The following NT5M variants were observed in gnomAD, a reference collection of about 807,000 sequenced individuals.
The protein encoded by NT5M is 5',3'-nucleotidase, mitochondrial.
NT5M carries 22 observed loss-of-function variants against 22.2 expected under a neutral mutation model. That is an observed-to-expected ratio of 0.99 (90% CI 0.71 to 1.41). The LOEUF (loss-of-function observed/expected upper bound fraction) is 1.41. Among genes scored for constraint, NT5M ranks in the 40% most tolerant of loss-of-function variants. NT5M has a pLI of 0.00. For missense variants in NT5M, 322 were observed against 314.8 expected, an observed-to-expected ratio of 1.02 and a Z score of -0.17; for synonymous variants, 167 against 133.0, an observed-to-expected ratio of 1.26 and a Z score of -1.76.
At chr17:17,319,732 GGACAGCTGGGAGA>G (rs59316755) in intron 2 of NT5M, among the ~76,000 whole-genome samples, 93,527 of 151,974 alleles carry the variant, frequency 0.62, 30,186 homozygotes, top group East Asian at 0.79. Context: ...GGGACGGGAG[GGACAGCTGGGAGA>G]GATAACAAAG....
intron 3 of NT5M, 92 bp downstream of exon 3, chr17:17,323,337 C>G: frequency 9.9e-7 from 1 of 1,013,218 alleles, no homozygotes. Flanking sequence ...GGGGATGGAC[C>G]CTCACAGCAC....
intron 2 of NT5M, among the ~76,000 whole-genome samples, chr17:17,322,261 G>A (rs897965636): frequency 6.6e-6 from 1 of 152,126 alleles, no homozygotes; most frequent in African/African-American, 2.4e-5. Flanking sequence ...GATCTGGAAG[G>A]AGCAGTGGAG....
At chr17:17,316,525 G>A (rs531159985) in intron 2 of NT5M, among the ~76,000 whole-genome samples, 6 of 151,166 alleles carry the variant, frequency 4.0e-5, no homozygotes, top group East Asian at 2.0e-4. Flanking sequence ...ACAGGCGCCC[G>A]CCACCACACC....
intron 1 of NT5M, 78 bp from the exon 2 acceptor site, chr17:17,306,465 G>A: frequency 1.0e-6 from 1 of 954,372 alleles, no homozygotes. Context: ...TCCCCCTATA[G>A]CCTGGCCATA....
intron 3 of NT5M, among the ~76,000 whole-genome samples, chr17:17,340,043 G>T (rs2049605516): frequency 1.3e-5 from 2 of 152,118 alleles, no homozygotes; most frequent in African/African-American, 2.4e-5. Context: ...TTTCTGAATA[G>T]TTTAAGTAGG....
At chr17:17,324,530 A>G (rs898924859) in intron 3 of NT5M, among the ~76,000 whole-genome samples, 3 of 151,024 alleles carry the variant, frequency 2.0e-5, no homozygotes, top group African/African-American at 7.3e-5. Context: ...TCACACATTC[A>G]GCCAACATAG....
chr17:17,319,388 G>A (rs1192763552), intron 2 of NT5M, among the ~76,000 whole-genome samples: 1 of 151,982 alleles, frequency 6.6e-6, no homozygotes, highest in Non-Finnish European at 1.5e-5. Context: ...GTAAAACCCT[G>A]TAAATATACT....
In NT5M at chr17:17,323,259, C is replaced by T; in HGVS notation, c.429+14C>T. On this transcript the variant is annotated intron_variant, in intron 3 of 4. Coordinates refer to ENST00000389022, the MANE Select transcript of NT5M (RefSeq NM_020201.4). ...CCCTATGAGAAGGTAAGGCGTGCGT[C>T]TGCTCAGCTGAGCCCTTACCCCATG... The T allele has an allele frequency of 6.2e-7, 1 of 1,610,748 alleles. No homozygotes were observed. Among genetic ancestry groups the T allele is most frequent in the South Asian group, 1.1e-5 (1 of 91,010 alleles).
chr17:17,329,839 A>T (rs1179130826), intron 3 of NT5M, among the ~76,000 whole-genome samples: 1 of 151,948 alleles, frequency 6.6e-6, no homozygotes, highest in Non-Finnish European at 1.5e-5. Context: ...AGGCGTGCTG[A>T]TGTGTGCCTG....
rs2049565402 is a variant in NT5M at position 17,338,453 on chromosome 17, A to G, written c.430-6341A>G. 2.0e-5 allele frequency among the ~76,000 whole-genome samples: 3 copies of G among 152,014 alleles called. No homozygotes were observed. The South Asian group carries it at 6.2e-4, about 31-fold the overall frequency. ...CGCTATCCGCCCGCCTCGGCCTCCCAAAGTGCTGGGATTTCAGGCATGAGC... is the reference window on the plus strand; with the variant it reads ...CGCTATCCGCCCGCCTCGGCCTCCCGAAGTGCTGGGATTTCAGGCATGAGC... On this transcript the variant is annotated intron_variant, in intron 3 of 4. Coordinates refer to ENST00000389022, the MANE Select transcript of NT5M (RefSeq NM_020201.4).
intron 3 of NT5M, among the ~76,000 whole-genome samples, chr17:17,335,923 C>T (rs538799252): frequency 3.4e-4 from 51 of 151,876 alleles, no homozygotes; most frequent in South Asian, 8.3e-4. Flanking sequence ...TGAGCCACCA[C>T]GCCTGGCCAT....
At chr17:17,325,877 T>C (rs1446882683) in intron 3 of NT5M, among the ~76,000 whole-genome samples, 1 of 152,212 alleles carries the variant, frequency 6.6e-6, no homozygotes, top group Non-Finnish European at 1.5e-5. Context: ...AAGTGTATTC[T>C]TTCTCCATCT....
chr17:17,335,097 T>G (rs1432240733), intron 3 of NT5M, among the ~76,000 whole-genome samples: 2 of 139,320 alleles, frequency 1.4e-5, no homozygotes, highest in East Asian at 2.0e-4. Flanking sequence ...CTATTTCATG[T>G]TTTTTTTTTT....
At chr17:17,345,299 C>T in intron 4 of NT5M, 1 of 1,009,674 alleles carries the variant, frequency 9.9e-7, no homozygotes, top group Non-Finnish European at 1.2e-6. Context: ...CAGAGCAGAG[C>T]TCCTGCAGGG....
chr17:17,337,160 T>C (rs2049532300), intron 3 of NT5M, among the ~76,000 whole-genome samples: 1 of 152,194 alleles, frequency 6.6e-6, no homozygotes, highest in African/African-American at 2.4e-5. Flanking sequence ...TGAGATGATA[T>C]TTCCTTGTAG....
intron 2 of NT5M, 108 bp from the exon 3 acceptor site, chr17:17,323,077 G>T: frequency 2.3e-6 from 2 of 866,722 alleles, no homozygotes; most frequent in Non-Finnish European, 4.0e-6. Flanking sequence ...GCAGGGGAAG[G>T]GTTCAGACTC....
intron 3 of NT5M, among the ~76,000 whole-genome samples, chr17:17,325,523 T>C (rs2049247549): frequency 6.6e-6 from 1 of 152,150 alleles, no homozygotes; most frequent in Non-Finnish European, 1.5e-5. Flanking sequence ...TTCTGTCTCT[T>C]CTCATTGCCA....
chr17:17,328,565 C>T (rs1007974263), intron 3 of NT5M, among the ~76,000 whole-genome samples: 1 of 152,140 alleles, frequency 6.6e-6, no homozygotes, highest in Non-Finnish European at 1.5e-5. Context: ...AGATGGGTCT[C>T]GGGGCACATC....
intron 3 of NT5M, among the ~76,000 whole-genome samples, chr17:17,344,064 C>T (rs916103050): frequency 6.6e-6 from 1 of 152,170 alleles, no homozygotes; most frequent in Non-Finnish European, 1.5e-5. Flanking sequence ...GAGAGCCCAC[C>T]AGTGGCGAGA....
Sources: gnomAD v4.1 joint callset for allele counts (sites outside exome capture counted in the v4.1 genomes callset) on GRCh38, gnomAD v4.1.1 for gene constraint, MANE v1.5 for transcripts, NCBI Gene and HGNC (gene_info 2026-07-23, HGNC 2026-07-21) for gene names.